PTPN13: variants seen among roughly 807,000 people sequenced by gnomAD.
PTPN13 encodes the protein protein tyrosine phosphatase non-receptor type 13.
PTPN13 carries 191 observed loss-of-function variants against 284.0 expected under a neutral mutation model. The observed-to-expected ratio is 0.67, with a 90% confidence interval of 0.60 to 0.76. The LOEUF is 0.76. Ranked by LOEUF, PTPN13 falls within the 30% of genes least tolerant of loss-of-function variation. The probability of loss-of-function intolerance (pLI) is 0.00; values close to 1 mark genes in which losing one functional copy is unlikely to be tolerated. For missense variants in PTPN13, 2,797 were observed against 2,939.9 expected (o/e 0.95, Z 1.12); for synonymous variants, 986 against 1,022.3 (o/e 0.96, Z 0.68).
chr4:86,736,420 G>A (rs974694041), intron 15 of PTPN13, among the ~76,000 whole-genome samples: 25 of 152,110 alleles, frequency 1.6e-4, no homozygotes, highest in African/African-American at 6.0e-4. Context: ...AGCTTCCTAG[G>A]ATGTAACAGT....
At chr4:86,704,007 T>C (rs1731450644) in intron 7 of PTPN13, among the ~76,000 whole-genome samples, 1 of 150,622 alleles carries the variant, frequency 6.6e-6, no homozygotes, top group South Asian at 2.1e-4. Context: ...ACCCCGTCTT[T>C]ACTGAAAAAA....
rs190500667 is a variant in PTPN13, at chr4:86,651,425, C to T, written c.115+16054C>T. Among the ~76,000 whole-genome samples, 15 of 151,280 alleles carry T rather than the reference C, an allele frequency of 9.9e-5. No homozygotes were observed. The East Asian group carries it at 2.4e-3, about 24-fold the overall frequency. On this transcript the variant is annotated intron_variant, in intron 2 of 47. Coordinates refer to ENST00000411767, the MANE Select transcript of PTPN13 (RefSeq NM_080683.3). ...TTCCTCCCTCCCTCCCTCCGTCCTTCCCTCCCTTCCTTCCTTCCTTCCTTC... is the reference window on the plus strand; with the variant it reads ...TTCCTCCCTCCCTCCCTCCGTCCTTTCCTCCCTTCCTTCCTTCCTTCCTTC...
intron 7 of PTPN13, among the ~76,000 whole-genome samples, chr4:86,713,765 A>G (rs1732692589): frequency 2.6e-5 from 4 of 152,118 alleles, no homozygotes; most frequent in South Asian, 2.1e-4. Flanking sequence ...CTTTGTCTCA[A>G]TGTGACTCTT....
intron 7 of PTPN13, among the ~76,000 whole-genome samples, chr4:86,706,135 C>T (rs1169377293): frequency 6.6e-6 from 1 of 152,124 alleles, no homozygotes; most frequent in Non-Finnish European, 1.5e-5. Context: ...ATCTGGATAC[C>T]ATTTAAACCA....
At chr4:86,633,485 G>A (rs1488082058) in intron 1 of PTPN13, among the ~76,000 whole-genome samples, 1 of 152,170 alleles carries the variant, frequency 6.6e-6, no homozygotes, top group East Asian at 1.9e-4. Flanking sequence ...ACTGGCTTGA[G>A]GTGAAAGGAA....
intron 17 of PTPN13, 86 bp from the exon 18 acceptor site, chr4:86,750,384 T>A: frequency 8.0e-7 from 1 of 1,248,004 alleles, no homozygotes. Flanking sequence ...GATTAAAAAC[T>A]GCATGCTGCT....
chr4:86,756,241 T>G (rs142333808), intron 20 of PTPN13, among the ~76,000 whole-genome samples: 1 of 152,152 alleles, frequency 6.6e-6, no homozygotes, highest in East Asian at 1.9e-4. Flanking sequence ...TATACTGATT[T>G]CAGTTCCTAA....
At chr4:86,658,281 T>C (rs1210647089) in intron 2 of PTPN13, among the ~76,000 whole-genome samples, 3 of 152,206 alleles carry the variant, frequency 2.0e-5, no homozygotes, top group Admixed American at 6.5e-5. Context: ...CTCTCCTCCA[T>C]GCACATAGAC....
intron 10 of PTPN13, among the ~76,000 whole-genome samples, chr4:86,724,649 A>T (rs938631842): frequency 6.6e-6 from 1 of 152,120 alleles, no homozygotes; most frequent in African/African-American, 2.4e-5. Flanking sequence ...GAGGCTGAAA[A>T]GGGTAATGGG....
At position 86,814,486 on chromosome 4, in the gene PTPN13, C is replaced by A; in HGVS notation, c.7393C>A (p.Leu2465Ile). 1 of 1,612,342 alleles carries A rather than the reference C, an allele frequency of 6.2e-7. No homozygotes were observed. Among genetic ancestry groups the A allele is most frequent in the Non-Finnish European group, 8.5e-7 (1 of 1,179,190 alleles). The change falls in exon 48 of 48, where the codon CTT (leucine) becomes ATT (isoleucine). Residue 2465 changes from leucine to isoleucine, a missense_variant. Leu to Ile is a conservative substitution (Grantham distance 5, BLOSUM62 2). Coordinates refer to ENST00000411767, the MANE Select transcript of PTPN13 (RefSeq NM_080683.3). Reference sequence around the variant, plus strand: ...ATATATTTTCTGCTATCAAGTCATCCTTTATGTCCTGACACGTCTTCAAGC... The same window carrying A: ...ATATATTTTCTGCTATCAAGTCATCATTTATGTCCTGACACGTCTTCAAGC... ...DQYIFCYQVILYVLTRLQAEE... is the reference protein window; with the variant it reads ...DQYIFCYQVIIYVLTRLQAEE...
At chr4:86,632,491 A>G (rs1039108248) in intron 1 of PTPN13, among the ~76,000 whole-genome samples, 2 of 152,012 alleles carry the variant, frequency 1.3e-5, no homozygotes, top group Admixed American at 6.6e-5. Context: ...GTTCTTCACA[A>G]TCCTTCACTG....
intron 42 of PTPN13, among the ~76,000 whole-genome samples, chr4:86,800,838 C>A (rs1461056896): frequency 1.3e-5 from 2 of 152,176 alleles, no homozygotes; most frequent in Non-Finnish European, 2.9e-5. Flanking sequence ...TGCTCATCCA[C>A]CCAGCCTTTA....
chr4:86,724,489 T>G (rs1474791069), intron 10 of PTPN13, among the ~76,000 whole-genome samples: 3 of 152,330 alleles, frequency 2.0e-5, no homozygotes, highest in Admixed American at 2.0e-4. Context: ...AAAAACCTGT[T>G]TCCTTTTTTA....
chr4:86,638,535 A>G (rs1367328366), intron 2 of PTPN13, among the ~76,000 whole-genome samples: 1 of 152,208 alleles, frequency 6.6e-6, no homozygotes, highest in Non-Finnish European at 1.5e-5. Context: ...CATATCTACA[A>G]CTATCTGATC....
At position 86,734,607 on chromosome 4, in the gene PTPN13, T is replaced by G. The variant is rs936621879; in HGVS notation, c.2013-130T>G. On this transcript the variant is annotated intron_variant, in intron 13 of 47. Transcript: ENST00000411767. ...TCTTTCAACACAGTTTATCTAATCC[T>G]TATGCCTTAAAAGCTTAATAATAAG... is the stretch of plus-strand genomic sequence containing the variant. 1.2e-5 allele frequency: 15 copies of G among 1,280,364 alleles called. No individual in the cohort carries two copies. The Admixed American group carries it at 4.0e-4, about 34-fold the overall frequency. 79.3% of individuals were successfully genotyped at this position (1,280,364 alleles called of 1,614,324 possible).
chr4:86,781,406 A>C (rs965639620), intron 36 of PTPN13, among the ~76,000 whole-genome samples: 2 of 152,154 alleles, frequency 1.3e-5, no homozygotes, highest in Non-Finnish European at 2.9e-5. Context: ...TAATATATTG[A>C]ATTTTTGTAA....
chr4:86,710,165 T>C (rs550120628), intron 7 of PTPN13, among the ~76,000 whole-genome samples: 100 of 152,300 alleles, frequency 6.6e-4, no homozygotes, highest in South Asian at 3.7e-3. Context: ...CTCTGCTTTG[T>C]TTGAAAATTG....
chr4:86,714,679 T>G (rs1188526095), intron 7 of PTPN13, among the ~76,000 whole-genome samples: 3 of 152,202 alleles, frequency 2.0e-5, no homozygotes, highest in African/African-American at 7.2e-5. Context: ...GACCTGTTCA[T>G]GCAATGAAAA....
At chr4:86,643,237 CA>C (rs564300064) in intron 2 of PTPN13, among the ~76,000 whole-genome samples, 5 of 152,094 alleles carry the variant, frequency 3.3e-5, no homozygotes, top group Admixed American at 1.3e-4. Context: ...ATATTAAAAA[CA>C]AGCCAGGTTC....
Sources: gnomAD v4.1 joint callset for allele counts (sites outside exome capture counted in the v4.1 genomes callset) on GRCh38, gnomAD v4.1.1 for gene constraint, MANE v1.5 for transcripts, NCBI Gene and HGNC (gene_info 2026-07-23, HGNC 2026-07-21) for gene names.